DPP6: variants seen among roughly 807,000 people sequenced by gnomAD.
The protein encoded by DPP6 is A-type potassium channel modulatory protein DPP6.
A neutral mutation model predicts 122.6 loss-of-function variants in DPP6; 69 were observed. That is an observed-to-expected ratio of 0.56 (90% confidence interval 0.46 to 0.69). The LOEUF (loss-of-function observed/expected upper bound fraction) is 0.69, where lower values mean the gene tolerates loss of function less well. DPP6 is among the 30% of genes least tolerant of loss of function. The pLI is 0.00. For synonymous variants in DPP6, 418 were observed against 433.1 expected (o/e 0.97, Z 0.43); for missense variants, 928 against 1,116.9 (o/e 0.83, Z 2.41).
At chr7:154,439,820 C>T (rs1222039371) in intron 1 of DPP6, among the ~76,000 whole-genome samples, 1 of 152,164 alleles carries the variant, frequency 6.6e-6, no homozygotes, top group Non-Finnish European at 1.5e-5. Context: ...CCTCAGGCAG[C>T]AACATCAAGT....
intron 3 of DPP6, among the ~76,000 whole-genome samples, chr7:154,539,238 G>A (rs1254579523): frequency 6.6e-6 from 1 of 152,170 alleles, no homozygotes; most frequent in African/African-American, 2.4e-5. Context: ...ATTTCAGAAA[G>A]TAGTTTGCCT....
intron 1 of DPP6, among the ~76,000 whole-genome samples, chr7:154,100,868 C>T (rs1805678064): frequency 1.4e-5 from 2 of 142,586 alleles, no homozygotes; most frequent in South Asian, 5.0e-4. Flanking sequence ...TGCTGATCAA[C>T]AAAAAGCCTG....
intron 4 of DPP6, among the ~76,000 whole-genome samples, chr7:154,561,245 A>G (rs1301993617): frequency 6.6e-6 from 1 of 152,242 alleles, no homozygotes; most frequent in African/African-American, 2.4e-5. Context: ...ACTATTAACC[A>G]AGTCAACCGA....
At chr7:154,156,579 A>C (rs1796691410) in intron 1 of DPP6, among the ~76,000 whole-genome samples, 1 of 152,198 alleles carries the variant, frequency 6.6e-6, no homozygotes, top group South Asian at 2.1e-4. Context: ...CAGGCTACAT[A>C]ATCTTCATAG....
intron 3 of DPP6, among the ~76,000 whole-genome samples, chr7:154,510,458 G>A (rs1825977473): frequency 6.6e-6 from 1 of 152,174 alleles, no homozygotes; most frequent in Non-Finnish European, 1.5e-5. Context: ...CCAGCACCTT[G>A]GGAGGCTGAG....
chr7:154,232,014 C>G (rs1343456475), intron 1 of DPP6, among the ~76,000 whole-genome samples: 1 of 152,152 alleles, frequency 6.6e-6, no homozygotes, highest in Non-Finnish European at 1.5e-5. Context: ...GACTTACCCT[C>G]AAACAGCCTC....
intron 1 of DPP6, among the ~76,000 whole-genome samples, chr7:153,936,262 A>G (rs1204055155): frequency 6.6e-6 from 1 of 151,542 alleles, no homozygotes; most frequent in Non-Finnish European, 1.5e-5. Flanking sequence ...AGAAAAAAAC[A>G]CCTCTCAGTA....
At chr7:154,180,270 C>A (rs1798004979) in intron 1 of DPP6, among the ~76,000 whole-genome samples, 1 of 151,526 alleles carries the variant, frequency 6.6e-6, no homozygotes, top group African/African-American at 2.4e-5. Context: ...ATCGCATGAA[C>A]CCGGGAGGTG....
intron 1 of DPP6, among the ~76,000 whole-genome samples, chr7:153,963,244 G>C (rs1261220493): frequency 6.6e-6 from 1 of 151,902 alleles, no homozygotes; most frequent in East Asian, 1.9e-4. Flanking sequence ...GAGTTGAGTG[G>C]CCACGCTCAT....
intron 1 of DPP6, among the ~76,000 whole-genome samples, chr7:154,076,961 C>T (rs1009268914): frequency 2.6e-5 from 4 of 152,032 alleles, no homozygotes; most frequent in Admixed American, 2.0e-4. Flanking sequence ...CAGATTCCTC[C>T]CTCCAGGAAA....
At chr7:154,703,014 AG>A (rs1443465326) in intron 7 of DPP6, among the ~76,000 whole-genome samples, 2 of 152,218 alleles carry the variant, frequency 1.3e-5, no homozygotes, top group Non-Finnish European at 2.9e-5. Flanking sequence ...TGAAAATCCT[AG>A]GGCCCTTAAG....
chr7:154,397,849 G>T (rs1050043451), intron 1 of DPP6, among the ~76,000 whole-genome samples: 5 of 152,104 alleles, frequency 3.3e-5, no homozygotes, highest in African/African-American at 9.7e-5. Flanking sequence ...AGCAGCAAAG[G>T]TGTCTTCTCT....
At chr7:154,155,172 A>G (rs1456773514) in intron 1 of DPP6, among the ~76,000 whole-genome samples, 1 of 152,082 alleles carries the variant, frequency 6.6e-6, no homozygotes, top group African/African-American at 2.4e-5. Flanking sequence ...CTCCCATCTC[A>G]TTTGCCCTTC....
intron 1 of DPP6, among the ~76,000 whole-genome samples, chr7:153,945,108 T>C (rs1161337059): frequency 6.6e-6 from 1 of 152,144 alleles, no homozygotes; most frequent in Non-Finnish European, 1.5e-5. Flanking sequence ...CACCCACCCT[T>C]GCGTACACTC....
At chr7:154,037,320 C>T (rs1283216571) in intron 1 of DPP6, among the ~76,000 whole-genome samples, 2 of 152,058 alleles carry the variant, frequency 1.3e-5, no homozygotes, top group Non-Finnish European at 2.9e-5. Context: ...TGAAACACAG[C>T]TGCTCCTGGC....
At chr7:154,769,598 A>T (rs1225816666) in intron 9 of DPP6, 27 bp downstream of exon 9, 2 of 1,541,866 alleles carry the variant, frequency 1.3e-6, no homozygotes, top group Non-Finnish European at 1.8e-6. Flanking sequence ...CGCACAGCAA[A>T]TTCTTTATAT....
the DPP6 span, among the ~76,000 whole-genome samples, chr7:153,850,897 TATCAGAAGAC>T: frequency 1.3e-5 from 2 of 152,186 alleles, no homozygotes; most frequent in Non-Finnish European, 2.9e-5. Flanking sequence ...AGCCAAAGCA[TATCAGAAGAC>T]ATCACACAAG....
At chr7:154,640,521 C>A (rs1184747125) in intron 6 of DPP6, among the ~76,000 whole-genome samples, 4 of 152,162 alleles carry the variant, frequency 2.6e-5, no homozygotes, top group Admixed American at 2.0e-4. Context: ...TGTCATAAGG[C>A]CATTGATGAG....
At chr7:154,022,183 T>G (rs1798737003) in intron 1 of DPP6, among the ~76,000 whole-genome samples, 1 of 152,188 alleles carries the variant, frequency 6.6e-6, no homozygotes, top group Non-Finnish European at 1.5e-5. Flanking sequence ...ACAAAGATGC[T>G]AATTTCATTT....
Sources: allele counts gnomAD v4.1 joint callset (sites outside exome capture counted in the v4.1 genomes callset), GRCh38; gene constraint gnomAD v4.1.1; transcripts MANE v1.5; gene names NCBI Gene and HGNC (gene_info 2026-07-23, HGNC 2026-07-21).